SIPA1L3: variants seen among roughly 807,000 people sequenced by gnomAD.
SIPA1L3 encodes the protein signal-induced proliferation-associated 1-like protein 3.
Under a neutral mutation model 150.1 loss-of-function variants are expected in SIPA1L3, and 59 were observed. That is an observed-to-expected ratio of 0.39 (90% confidence interval 0.32 to 0.49). The LOEUF is 0.49. Ranked by LOEUF, SIPA1L3 falls within the 20% of genes least tolerant of loss-of-function variation. The probability of loss-of-function intolerance (pLI) is 0.86; values close to 1 mark genes in which losing one functional copy is unlikely to be tolerated. For missense variants in SIPA1L3, 2,211 were observed against 2,489.5 expected (o/e 0.89, Z 2.38); for synonymous variants, 1,070 against 1,077.6 (o/e 0.99, Z 0.14).
chr19:38,204,757 CT>C (rs1338236724), intron 21 of SIPA1L3, among the ~76,000 whole-genome samples: 1 of 151,784 alleles, frequency 6.6e-6, no homozygotes, highest in African/African-American at 2.4e-5. Context: ...CAGAGCGAGA[CT>C]CCATCTCAAA....
Position 38,082,001 on chromosome 19 carries a change from T to C in SIPA1L3, c.436T>C (p.Ser146Pro). ...KAFHRLSRRRSKDVEFQDGWP... is the reference protein window; with the variant it reads ...KAFHRLSRRRPKDVEFQDGWP... ...CTTCCACCGACTCTCCAGGAGAAGG[T>C]CCAAAGACGTGGAGTTCCAGGACGG... Residue 146 changes from serine (S) to proline (P), a missense_variant, in exon 3 of 22, where the codon TCC (serine) becomes CCC (proline). Physicochemically the swap from Ser to Pro is moderately conservative, Grantham distance 74 (BLOSUM62 -1). Around this residue, in one of 5 missense-constraint regions of SIPA1L3, gnomAD observed 587 missense variants for 534.5 expected, o/e 1.10. Coordinates refer to ENST00000222345, the MANE Select transcript of SIPA1L3 (RefSeq NM_015073.3). The C allele has an allele frequency of 1.9e-6, 3 of 1,613,986 alleles. No homozygotes were observed. The highest frequency in any genetic ancestry group is 2.5e-6 in the Non-Finnish European group (3 of 1,179,970).
intron 1 of SIPA1L3, among the ~76,000 whole-genome samples, chr19:37,915,940 C>T (rs2046411154): frequency 1.3e-5 from 2 of 151,762 alleles, no homozygotes; most frequent in Non-Finnish European, 2.9e-5. Flanking sequence ...GTAATCCCAG[C>T]ACTTTGGGAG....
At chr19:38,086,784 T>C (rs1970141519) in intron 3 of SIPA1L3, among the ~76,000 whole-genome samples, 2 of 152,268 alleles carry the variant, frequency 1.3e-5, no homozygotes, top group Middle Eastern at 3.4e-3. Context: ...AGTCTGGCAG[T>C]AGGGAAGAGA....
intron 1 of SIPA1L3, among the ~76,000 whole-genome samples, chr19:37,913,012 T>A (rs533599182): frequency 6.6e-6 from 1 of 152,272 alleles, no homozygotes; most frequent in African/African-American, 2.4e-5. Context: ...ATATCACTCC[T>A]CATATTTGCG....
intron 1 of SIPA1L3, among the ~76,000 whole-genome samples, chr19:37,949,019 C>T (rs1342182063): frequency 6.6e-6 from 1 of 152,146 alleles, no homozygotes. Flanking sequence ...GCCAGGTGGA[C>T]CTTAGGTTCT....
intron 1 of SIPA1L3, among the ~76,000 whole-genome samples, chr19:37,965,810 C>T (rs1195417803): frequency 6.9e-6 from 1 of 145,296 alleles, no homozygotes; most frequent in African/African-American, 2.6e-5. Flanking sequence ...ACATTAAATT[C>T]CACGTCAACC....
At chr19:38,151,886 C>T (rs796768311) in intron 12 of SIPA1L3, among the ~76,000 whole-genome samples, 7 of 140,534 alleles carry the variant, frequency 5.0e-5, no homozygotes, top group African/African-American at 1.8e-4. Flanking sequence ...TCGCTTGAGC[C>T]GGGAGGCGGA....
chr19:38,125,416 C>T (rs1189149579), intron 9 of SIPA1L3, among the ~76,000 whole-genome samples: 3 of 152,118 alleles, frequency 2.0e-5, no homozygotes, highest in Non-Finnish European at 2.9e-5. Flanking sequence ...AGGGACCATG[C>T]CAGGCACCAT....
At chr19:38,168,109 G>T (rs370903832) in intron 15 of SIPA1L3, among the ~76,000 whole-genome samples, 1 of 152,126 alleles carries the variant, frequency 6.6e-6, no homozygotes, top group Non-Finnish European at 1.5e-5. Flanking sequence ...CTCCCAGGCC[G>T]GGCACGGTGG....
At chr19:38,154,557 C>T (rs961915208) in intron 13 of SIPA1L3, among the ~76,000 whole-genome samples, 5 of 152,156 alleles carry the variant, frequency 3.3e-5, no homozygotes, top group Admixed American at 3.3e-4. Context: ...AAACAATTCT[C>T]CTGCTTCAGC....
chr19:38,056,721 G>GT (rs111739944), intron 2 of SIPA1L3, among the ~76,000 whole-genome samples: 70 of 152,094 alleles, frequency 4.6e-4, no homozygotes, highest in African/African-American at 1.3e-3. Context: ...AACTTGTTTG[G>GT]TTTTTTTTCC....
At chr19:37,958,378 A>C (rs1355479106) in intron 1 of SIPA1L3, among the ~76,000 whole-genome samples, 1 of 152,178 alleles carries the variant, frequency 6.6e-6, no homozygotes, top group Admixed American at 6.5e-5. Flanking sequence ...GTGAGCCATG[A>C]TTGTGCCACC....
rs1301010051 is a variant in SIPA1L3 at position 38,207,727 on chromosome 19, A to G, written c.*1487A>G. 6 of 152,160 alleles carry G rather than the reference A, an allele frequency of 3.9e-5. No individual in the cohort carries two copies. The highest frequency in any genetic ancestry group is 1.4e-4 in the African/African-American group (6 of 41,414). 9.4% of individuals were successfully genotyped at this position (152,160 alleles called of 1,614,324 possible). On this transcript the variant is annotated 3_prime_UTR_variant, in exon 22 of 22. Coordinates refer to ENST00000222345, the MANE Select transcript of SIPA1L3 (RefSeq NM_015073.3). Reference sequence around the variant, plus strand: ...CCTTCTCTCTGGGGTCAGGAACCTCAGAGGAGGGGGCTCTGGGGACTGCAT... The same window carrying G: ...CCTTCTCTCTGGGGTCAGGAACCTCGGAGGAGGGGGCTCTGGGGACTGCAT...
At chr19:38,002,554 G>GA (rs1483509948) in intron 1 of SIPA1L3, among the ~76,000 whole-genome samples, 1 of 151,284 alleles carries the variant, frequency 6.6e-6, no homozygotes, top group Non-Finnish European at 1.5e-5. Flanking sequence ...CCAACATGGT[G>GA]AAACCCTGTC....
intron 17 of SIPA1L3, among the ~76,000 whole-genome samples, chr19:38,193,104 G>T (rs1296313185): frequency 6.6e-6 from 1 of 152,042 alleles, no homozygotes; most frequent in Non-Finnish European, 1.5e-5. Flanking sequence ...CACTTTGGGT[G>T]GCTAAGGTGA....
In SIPA1L3 at chr19:38,164,465, C is replaced by T; in HGVS notation, c.3781-14C>T. Reference sequence around the variant, plus strand: ...CCTGGAGTCTGGGAATGACACGCTTCTCTTGCCTCTCAGGGAGAACCTCAA... The same window carrying T: ...CCTGGAGTCTGGGAATGACACGCTTTTCTTGCCTCTCAGGGAGAACCTCAA... On this transcript the variant is annotated splice_polypyrimidine_tract_variant and intron_variant, in intron 14 of 21. Transcript: ENST00000222345. This position sits in a 1 kb window ranked among gnomAD's most constrained non-coding sequence, Gnocchi z 4.1. The T allele has an allele frequency of 6.3e-7, 1 of 1,588,820 alleles. No individual in the cohort carries two copies. The highest frequency in any genetic ancestry group is 2.3e-5 in the East Asian group (1 of 44,444).
chr19:37,917,220 A>T (rs1239155157), intron 1 of SIPA1L3, among the ~76,000 whole-genome samples: 1 of 152,160 alleles, frequency 6.6e-6, no homozygotes, highest in Non-Finnish European at 1.5e-5. Context: ...GCCATGTTTC[A>T]AGTGCTCGGT....
intron 1 of SIPA1L3, among the ~76,000 whole-genome samples, chr19:38,027,190 C>A (rs974149189): frequency 6.6e-6 from 1 of 152,088 alleles, no homozygotes; most frequent in Non-Finnish European, 1.5e-5. Context: ...ACTCGGGAGG[C>A]TGAGGCAGAA....
At chr19:38,109,537 G>A (rs1970694241) in intron 7 of SIPA1L3, 1 of 152,378 alleles carries the variant, frequency 6.6e-6, no homozygotes, top group Admixed American at 6.5e-5. Context: ...CTCAGTCAGG[G>A]TCCAGGGAAG....
Sources: allele counts gnomAD v4.1 joint callset (sites outside exome capture counted in the v4.1 genomes callset), GRCh38; gene constraint gnomAD v4.1.1; regional missense constraint gnomAD v4.1.1; non-coding constraint Gnocchi (gnomAD v3.1); transcripts MANE v1.5; gene names NCBI Gene and HGNC (gene_info 2026-07-23, HGNC 2026-07-21).